Variants in SULF2 observed in about 807,000 individuals in gnomAD.
SULF2 encodes the protein sulfatase 2, also known as extracellular sulfatase Sulf-2.
Under a neutral mutation model 107.7 loss-of-function variants are expected in SULF2, and 52 were observed. The observed-to-expected ratio is 0.48, with a 90% CI of 0.39 to 0.61. SULF2 has a LOEUF of 0.61. Ranked by LOEUF, SULF2 falls within the 20% of genes least tolerant of loss-of-function variation. The pLI is 0.00. For synonymous variants in SULF2, 460 were observed against 464.3 expected, an observed-to-expected ratio of 0.99 and a Z score of 0.12; for missense variants, 993 against 1,177.3, an observed-to-expected ratio of 0.84 and a Z score of 2.29.
intron 3 of SULF2, among the ~76,000 whole-genome samples, chr20:47,709,583 G>A (rs1013696602): frequency 6.6e-6 from 1 of 152,202 alleles, no homozygotes; most frequent in African/African-American, 2.4e-5. Flanking sequence ...TGCACAAACT[G>A]GTTAGTTGAG....
At position 47,762,057 on chromosome 20, in the gene SULF2, C is replaced by T. The variant is rs1333925578; in HGVS notation, c.-100-4594G>A. ...TTCACCTTCCACCATGATTGTAAGGCCTCCCCAGCCACATGGAACAATGAG... is the reference window on the plus strand; with the variant it reads ...TTCACCTTCCACCATGATTGTAAGGTCTCCCCAGCCACATGGAACAATGAG... On this transcript the variant is annotated intron_variant, in intron 1 of 20. Transcript: ENST00000688720. Among the ~76,000 whole-genome samples the T allele has an allele frequency of 2.6e-5, 4 of 152,208 alleles. No homozygotes were observed. In the East Asian group the frequency reaches 7.7e-4, roughly 29 times the overall value.
chr20:47,744,860 C>T (rs750315002), intron 2 of SULF2, among the ~76,000 whole-genome samples: 2 of 152,146 alleles, frequency 1.3e-5, no homozygotes, highest in African/African-American at 2.4e-5. Flanking sequence ...CTCCAGGCCG[C>T]GTCCTTCTCC....
intron 4 of SULF2, among the ~76,000 whole-genome samples, chr20:47,693,018 A>G (rs1017653528): frequency 6.6e-6 from 1 of 152,216 alleles, no homozygotes; most frequent in African/African-American, 2.4e-5. Context: ...GGAAGAGGAG[A>G]GAAGCGGAGA....
At chr20:47,735,989 G>A (rs2089720847) in intron 3 of SULF2, among the ~76,000 whole-genome samples, 1 of 152,196 alleles carries the variant, frequency 6.6e-6, no homozygotes, top group African/African-American at 2.4e-5. Flanking sequence ...CTTACCCAAG[G>A]CGGGGAGTAT....
At chr20:47,736,475 G>A (rs1330554358) in intron 3 of SULF2, among the ~76,000 whole-genome samples, 1 of 152,190 alleles carries the variant, frequency 6.6e-6, no homozygotes, top group African/African-American at 2.4e-5. Flanking sequence ...ACTTTTTTGG[G>A]GGACTCAAAT....
At chr20:47,663,777 CAAGGCAGAGCCGGGACCAG>C (rs940617892) in intron 15 of SULF2, among the ~76,000 whole-genome samples, 155 bp from the exon 16 acceptor site, 16 of 152,332 alleles carry the variant, frequency 1.1e-4, no homozygotes, top group African/African-American at 3.6e-4. Context: ...AGTGCTGCTC[CAAGGCAGAGCCGGGACCAG>C]AACCTGGGTC....
Position 47,666,537 on chromosome 20 carries a change from C to T in SULF2, c.1577-49G>A, listed in dbSNP as rs1437408468. 6.8e-7 allele frequency: 1 copy of T among 1,473,744 alleles called. No homozygotes were observed. The highest frequency in any genetic ancestry group is 9.4e-7 in the Non-Finnish European group (1 of 1,069,312). 91.3% of individuals were successfully genotyped at this position (1,473,744 alleles called of 1,614,324 possible). On this transcript the variant is annotated intron_variant, in intron 11 of 20. Coordinates refer to ENST00000688720, the MANE Select transcript of SULF2 (RefSeq NM_001387048.1). The surrounding 1 kb of genome is among the most constrained non-coding windows in gnomAD (Gnocchi z 5.4). ...GAGTTAGGGAGGCAGGAAAGGCTGG[C>T]CAGGCTCCCAGGGCAGTGGGTCCTT...
At chr20:47,752,555 A>G (rs2090180501) in intron 2 of SULF2, among the ~76,000 whole-genome samples, 1 of 142,844 alleles carries the variant, frequency 7.0e-6, no homozygotes, top group South Asian at 2.4e-4. Flanking sequence ...ACATGGCAAA[A>G]GCCCATCTCT....
At chr20:47,705,788 CCTTTT>C (rs200141836) in intron 3 of SULF2, among the ~76,000 whole-genome samples, 8,912 of 143,082 alleles carry the variant, frequency 0.062, 268 homozygotes, top group Middle Eastern at 0.084. Flanking sequence ...ATCCAAGAAA[CCTTTT>C]CTTTTCTTTT....
At chr20:47,671,188 G>A (rs2087458729) in intron 11 of SULF2, among the ~76,000 whole-genome samples, 1 of 152,234 alleles carries the variant, frequency 6.6e-6, no homozygotes, top group Non-Finnish European at 1.5e-5. Context: ...CCTGGCTTCT[G>A]TCTGACTGTC....
At chr20:47,660,326 C>G (rs1441141971) in intron 18 of SULF2, among the ~76,000 whole-genome samples, 1 of 152,212 alleles carries the variant, frequency 6.6e-6, no homozygotes, top group Admixed American at 6.5e-5. Flanking sequence ...GATTAGGAAG[C>G]TACTAGTGAA....
chr20:47,726,434 C>CA (rs2146725109), intron 3 of SULF2, among the ~76,000 whole-genome samples: 1 of 151,998 alleles, frequency 6.6e-6, no homozygotes, highest in African/African-American at 2.4e-5. Context: ...AGGCTGGTCT[C>CA]AAACTCCTGG....
intron 2 of SULF2, among the ~76,000 whole-genome samples, chr20:47,745,239 T>C (rs187683491): frequency 9.2e-5 from 14 of 151,860 alleles, no homozygotes; most frequent in African/African-American, 3.1e-4. Flanking sequence ...TCAGAAGGCC[T>C]GATTCCAAAT....
In SULF2 at chr20:47,680,612, G is replaced by C. The variant is rs2087792198; in HGVS notation, c.1065-1808C>G. ...ATCTCTCCCCAGTCCAGTGCCCTGT[G>C]AACGTCGGGCAGGCTGCCAAGCATG... On this transcript the variant is annotated intron_variant, in intron 7 of 20. Transcript: ENST00000688720. This position sits in a 1 kb window ranked among gnomAD's most constrained non-coding sequence, Gnocchi z 4.2. 6.6e-6 allele frequency among the ~76,000 whole-genome samples: 1 copy of C among 152,238 alleles called. No individual in the cohort carries two copies. Among genetic ancestry groups the C allele is most frequent in the Admixed American group, 6.5e-5 (1 of 15,284 alleles).
intron 2 of SULF2, among the ~76,000 whole-genome samples, chr20:47,749,915 T>C (rs2090125016): frequency 6.6e-6 from 1 of 152,218 alleles, no homozygotes. Context: ...TGGCTGCCTA[T>C]TGGACAGTTC....
chr20:47,730,477 A>T (rs1472776137), intron 3 of SULF2, among the ~76,000 whole-genome samples: 1 of 151,946 alleles, frequency 6.6e-6, no homozygotes, highest in African/African-American at 2.4e-5. Flanking sequence ...TTTGAGATGG[A>T]GTCTCATTCT....
At chr20:47,677,344 G>GAC (rs1334045945) in intron 8 of SULF2, among the ~76,000 whole-genome samples, 1 of 152,002 alleles carries the variant, frequency 6.6e-6, no homozygotes, top group East Asian at 1.9e-4. Flanking sequence ...TGGGTCTGGA[G>GAC]ACACACACAG....
intron 2 of SULF2, among the ~76,000 whole-genome samples, chr20:47,745,404 AAAAAAAATATATATATATATATATAT>A (rs2090000501): frequency 4.4e-5 from 1 of 22,904 alleles, no homozygotes; most frequent in East Asian, 1.6e-3. Flanking sequence ...AAAAAAAAAA[AAAAAAAATATATATATATATATATAT>A]ATATATATAT....
rs185859874 is a variant in SULF2, at chr20:47,704,094, G to A, written c.416-1424C>T. On this transcript the variant is annotated intron_variant, in intron 3 of 20. Transcript: ENST00000688720. Reference sequence around the variant, plus strand: ...TGCTGGAGCAGGTGGTTCAGTTGGTGACACCTCATTGGCCTGGAGATTTGG... The same window carrying A: ...TGCTGGAGCAGGTGGTTCAGTTGGTAACACCTCATTGGCCTGGAGATTTGG... Among the ~76,000 whole-genome samples, 11 of 152,258 alleles carry A rather than the reference G, an allele frequency of 7.2e-5. No individual in the cohort carries two copies. In the East Asian group the frequency reaches 2.1e-3, roughly 29 times the overall value.
Sources: allele counts gnomAD v4.1 joint callset (sites outside exome capture counted in the v4.1 genomes callset), GRCh38; gene constraint gnomAD v4.1.1; non-coding constraint Gnocchi (gnomAD v3.1); transcripts MANE v1.5; gene names NCBI Gene and HGNC (gene_info 2026-07-23, HGNC 2026-07-21).